Variants in ARHGEF37 observed in about 807,000 individuals in gnomAD.
ARHGEF37 encodes the protein Rho guanine nucleotide exchange factor 37, also known as Rho guanine nucleotide exchange factor (GEF) 37.
Under a neutral mutation model 71.1 loss-of-function variants are expected in ARHGEF37, and 55 were observed. The observed-to-expected ratio is 0.77, with a 90% CI of 0.62 to 0.97. ARHGEF37 has a LOEUF of 0.97. Among genes scored for constraint, ARHGEF37 ranks in the 50% least tolerant of loss-of-function variants. The probability of loss-of-function intolerance (pLI) is 0.00; values close to 1 mark genes in which losing one functional copy is unlikely to be tolerated. For synonymous variants in ARHGEF37, 327 were observed against 350.6 expected, an observed-to-expected ratio of 0.93 and a Z score of 0.75; for missense variants, 765 against 836.8, an observed-to-expected ratio of 0.91 and a Z score of 1.06.
intron 3 of ARHGEF37, among the ~76,000 whole-genome samples, chr5:149,603,034 G>C (rs1763803842): frequency 6.6e-6 from 1 of 152,008 alleles, no homozygotes; most frequent in Admixed American, 6.6e-5. Flanking sequence ...CTAGGTTCAA[G>C]CGATTCTCCT....
intron 4 of ARHGEF37, among the ~76,000 whole-genome samples, 167 bp from the exon 5 acceptor site, chr5:149,616,400 C>T (rs1752378414): frequency 1.3e-5 from 2 of 152,198 alleles, no homozygotes. Flanking sequence ...GCCTGCCTAA[C>T]ATCTAGAACT....
At chr5:149,571,303 T>A (rs1762960823) in intron 1 of ARHGEF37, among the ~76,000 whole-genome samples, 1 of 152,104 alleles carries the variant, frequency 6.6e-6, no homozygotes, top group Admixed American at 6.6e-5. Flanking sequence ...TCACCCAGGC[T>A]GGCATGCAGT....
At position 149,627,088 on chromosome 5, in the gene ARHGEF37, G is replaced by A. The variant is rs762482503; in HGVS notation, c.1477G>A (p.Gly493Arg). The change falls in exon 11 of 13, where the codon GGG (glycine) becomes AGG (arginine). Residue 493 changes from glycine (G) to arginine (R), a missense_variant. Gly to Arg is a moderately radical substitution (Grantham distance 125). Around this residue, in one of 5 missense-constraint regions of ARHGEF37, gnomAD observed 390 missense variants for 407.4 expected, o/e 0.96. Transcript: ENST00000333677. Reference sequence around the variant, plus strand: ...CCTCCTCTCCCAGCCGCTCCTTCCAGGGTCTGAACGCCAGGTGCAGGCTCT... The same window carrying A: ...CCTCCTCTCCCAGCCGCTCCTTCCAAGGTCTGAACGCCAGGTGCAGGCTCT... ...PPPTTQPLLP[G>R]SERQVQALLS... 3 of 1,612,878 alleles carry A rather than the reference G, an allele frequency of 1.9e-6. No individual in the cohort carries two copies. In the Admixed American group the frequency reaches 5.0e-5, roughly 27 times the overall value.
At chr5:149,586,985 C>G (rs1348272973) in intron 1 of ARHGEF37, among the ~76,000 whole-genome samples, 2 of 152,286 alleles carry the variant, frequency 1.3e-5, no homozygotes, top group South Asian at 2.1e-4. Flanking sequence ...TTAAATTAGC[C>G]TATGCTGACT....
chr5:149,580,568 C>T (rs1444586928), upstream of ARHGEF37, among the ~76,000 whole-genome samples: 1 of 152,064 alleles, frequency 6.6e-6, no homozygotes, highest in Non-Finnish European at 1.5e-5. Flanking sequence ...TTATTTTCAC[C>T]TCTGTAGCTT....
intron 3 of ARHGEF37, among the ~76,000 whole-genome samples, chr5:149,607,114 G>T (rs1763936162): frequency 6.6e-6 from 1 of 152,136 alleles, no homozygotes; most frequent in Non-Finnish European, 1.5e-5. Context: ...TGTTGGCCAG[G>T]CTGGTCTCAA....
At position 149,631,998 on chromosome 5, in the gene ARHGEF37, C is replaced by T. The variant is rs1387024104; in HGVS notation, c.1835C>T (p.Pro612Leu). Residue 612 changes from proline (P) to leucine (L), a missense_variant, in exon 13 of 13, where the codon CCT (proline) becomes CTT (leucine). This residue lies in a region of ARHGEF37 where 390 missense variants were observed against 407.4 expected (regional missense o/e 0.96). Transcript: ENST00000333677. ...GTGTTTCAGGTCATAGCCGCGTACC[C>T]TTTTGTGGCCAGAAGCAGCCATGAA... is the stretch of plus-strand genomic sequence containing the variant. ...PTMNQVIAAY[P>L]FVARSSHEVS... The T allele has an allele frequency of 6.2e-7, 1 of 1,614,140 alleles. No homozygotes were observed. The highest frequency in any genetic ancestry group is 8.5e-7 in the Non-Finnish European group (1 of 1,180,056).
rs199543277 is a variant in ARHGEF37 at position 149,597,930 on chromosome 5, C to G, written c.161C>G (p.Ser54Cys). The G allele has an allele frequency of 2.0e-3, 3,221 of 1,599,684 alleles. 1 individual carries two copies. The highest frequency in any genetic ancestry group is 2.5e-3 in the Non-Finnish European group (2,929 of 1,173,692). The change falls in exon 2 of 13, where the codon TCT becomes TGT. Residue 54 changes from serine to cysteine, a missense_variant. By Grantham distance (112) the Ser-to-Cys change is moderately radical. Coordinates refer to ENST00000333677, the MANE Select transcript of ARHGEF37 (RefSeq NM_001001669.3). ...TTGCACATGCTCCAGCTCTGTGCCTCTGACATCAGGAGCCGCCTCCAGCAG... is the reference window on the plus strand; with the variant it reads ...TTGCACATGCTCCAGCTCTGTGCCTGTGACATCAGGAGCCGCCTCCAGCAG... ...SYLHMLQLCA[S>C]DIRSRLQQLP... is the part of the protein sequence containing the mutation.
intron 1 of ARHGEF37, among the ~76,000 whole-genome samples, chr5:149,563,156 C>T (rs963895657): frequency 5.3e-5 from 8 of 152,168 alleles, no homozygotes; most frequent in South Asian, 2.1e-4. Flanking sequence ...TCTTCCTGTC[C>T]CCACCAGCCA....
At chr5:149,553,987 G>A (rs1462917111) in intron 1 of ARHGEF37, among the ~76,000 whole-genome samples, 1 of 152,016 alleles carries the variant, frequency 6.6e-6, no homozygotes, top group East Asian at 1.9e-4. Context: ...GGCCAACATG[G>A]TGAAACCCTG....
At chr5:149,620,240 T>C (rs1303418651) in intron 7 of ARHGEF37, 114 bp from the exon 8 acceptor site, 7 of 663,332 alleles carry the variant, frequency 1.1e-5, no homozygotes, top group African/African-American at 3.7e-5. Flanking sequence ...GTCCCTCTCA[T>C]TGGGGGTGTG....
At chr5:149,621,354 C>T (rs954226294) in intron 8 of ARHGEF37, among the ~76,000 whole-genome samples, 3 of 151,790 alleles carry the variant, frequency 2.0e-5, no homozygotes, top group African/African-American at 7.3e-5. Context: ...GTGGGAGGAT[C>T]GCTTGAGCCT....
intron 11 of ARHGEF37, among the ~76,000 whole-genome samples, chr5:149,628,274 A>G (rs1456810260): frequency 2.6e-5 from 4 of 152,148 alleles, no homozygotes; most frequent in Non-Finnish European, 1.5e-5. Flanking sequence ...TGCCCTCAAG[A>G]GGTGATGTGA....
At chr5:149,624,239 C>T (rs1029885165) in intron 10 of ARHGEF37, 99 bp downstream of exon 10, 222 of 1,431,720 alleles carry the variant, frequency 1.6e-4, no homozygotes, top group Non-Finnish European at 2.0e-4. Context: ...TTTGGTCCCC[C>T]AATGTTTCCT....
At chr5:149,626,355 A>C (rs756656927) in intron 10 of ARHGEF37, among the ~76,000 whole-genome samples, 1 of 152,194 alleles carries the variant, frequency 6.6e-6, no homozygotes, top group Admixed American at 6.5e-5. Context: ...TTGCAAAAAG[A>C]GGACAAGCAT....
At chr5:149,619,163 T>A (rs1037913401) in intron 7 of ARHGEF37, 121 bp downstream of exon 7, 8 of 742,830 alleles carry the variant, frequency 1.1e-5, no homozygotes, top group African/African-American at 1.0e-4. Flanking sequence ...CCAGATGAGG[T>A]CATCCTGTCT....
intron 1 of ARHGEF37, among the ~76,000 whole-genome samples, chr5:149,566,637 G>A (rs1315109028): frequency 6.6e-6 from 1 of 151,970 alleles, no homozygotes; most frequent in African/African-American, 2.4e-5. Context: ...ATTAAGACAG[G>A]CTAGTTAACT....
At chr5:149,558,719 GTGTGTGTGTGTGTGTGTGTATA>G (rs1197957381) in intron 1 of ARHGEF37, among the ~76,000 whole-genome samples, 2 of 135,958 alleles carry the variant, frequency 1.5e-5, no homozygotes, top group East Asian at 4.2e-4. Context: ...GTGTGTGTGT[GTGTGTGTGTGTGTGTGTGTATA>G]TATATTTTTA....
At chr5:149,585,169 GA>G (rs1158080704) in intron 1 of ARHGEF37, among the ~76,000 whole-genome samples, 1 of 152,186 alleles carries the variant, frequency 6.6e-6, no homozygotes, top group Non-Finnish European at 1.5e-5. Flanking sequence ...CCAGAAGGTA[GA>G]GGAACTGGAT....
Sources: gnomAD v4.1 joint callset for allele counts (sites outside exome capture counted in the v4.1 genomes callset) on GRCh38, gnomAD v4.1.1 for gene constraint, gnomAD v4.1.1 regional missense constraint, MANE v1.5 for transcripts, NCBI Gene and HGNC (gene_info 2026-07-23, HGNC 2026-07-21) for gene names.